ZFPM2: variants seen among roughly 807,000 people sequenced by gnomAD.
ZFPM2 encodes zinc finger protein, FOG family member 2, also known as zinc finger protein ZFPM2.
A neutral mutation model predicts 98.6 loss-of-function variants in ZFPM2; 20 were observed. That is an observed-to-expected ratio of 0.20 (90% CI 0.14 to 0.29). The LOEUF is 0.29. ZFPM2 is among the 10% of genes least tolerant of loss of function. ZFPM2 has a pLI of 1.00. For missense variants in ZFPM2, 1,310 were observed against 1,388.6 expected (o/e 0.94, Z 0.90); for synonymous variants, 518 against 502.7 (o/e 1.03, Z -0.41).
At chr8:105,408,906 G>T (rs1244272928) in intron 1 of ZFPM2, among the ~76,000 whole-genome samples, 2 of 151,808 alleles carry the variant, frequency 1.3e-5, no homozygotes, top group African/African-American at 4.8e-5. Flanking sequence ...ATGTCATTTT[G>T]TTAGCCACGT....
intron 5 of ZFPM2, among the ~76,000 whole-genome samples, chr8:105,641,410 G>T (rs1816946606): frequency 1.3e-5 from 2 of 151,988 alleles, no homozygotes; most frequent in African/African-American, 4.8e-5. Flanking sequence ...ATTTTGAGGA[G>T]TGAGCAATTT....
At chr8:105,745,057 A>T (rs1812311765) in intron 5 of ZFPM2, among the ~76,000 whole-genome samples, 1 of 152,144 alleles carries the variant, frequency 6.6e-6, no homozygotes, top group Non-Finnish European at 1.5e-5. Flanking sequence ...TTCTTCTCAT[A>T]TCCAACTTGA....
At chr8:105,694,266 C>A (rs377684697) in intron 5 of ZFPM2, among the ~76,000 whole-genome samples, 11 of 151,890 alleles carry the variant, frequency 7.2e-5, no homozygotes, top group Non-Finnish European at 1.0e-4. Flanking sequence ...GATTACAGGC[C>A]TGAGCCACCG....
chr8:105,322,991 G>A (rs1490922883), intron 1 of ZFPM2, among the ~76,000 whole-genome samples: 1 of 151,516 alleles, frequency 6.6e-6, no homozygotes, highest in African/African-American at 2.4e-5. Flanking sequence ...AACAATTATT[G>A]TTTTAAAATA....
intron 5 of ZFPM2, among the ~76,000 whole-genome samples, chr8:105,781,408 G>T (rs529639431): frequency 8.9e-4 from 136 of 152,266 alleles, no homozygotes; most frequent in African/African-American, 3.2e-3. Context: ...ATTTTAATGA[G>T]GTTAGTCACA....
intron 5 of ZFPM2, among the ~76,000 whole-genome samples, chr8:105,753,198 A>G (rs1417591767): frequency 6.6e-6 from 1 of 152,176 alleles, no homozygotes; most frequent in African/African-American, 2.4e-5. Context: ...TTGTTACATA[A>G]TGATATGCTG....
chr8:105,506,478 T>G (rs1813700378), intron 3 of ZFPM2, among the ~76,000 whole-genome samples: 1 of 152,164 alleles, frequency 6.6e-6, no homozygotes, highest in African/African-American at 2.4e-5. Context: ...TATTTGAAAC[T>G]TTTACTTTCC....
chr8:105,554,517 C>G (rs78529600), intron 3 of ZFPM2, among the ~76,000 whole-genome samples: 4,211 of 152,224 alleles, frequency 0.028, 197 homozygotes, highest in African/African-American at 0.096. Context: ...TAATGTCTTC[C>G]AACCATGAAG....
intron 3 of ZFPM2, among the ~76,000 whole-genome samples, chr8:105,559,474 A>G (rs1815079001): frequency 6.6e-6 from 1 of 152,162 alleles, no homozygotes; most frequent in Non-Finnish European, 1.5e-5. Context: ...AGTGGTAAAG[A>G]AAGAGTATGA....
At chr8:105,717,399 C>A (rs1279688740) in intron 5 of ZFPM2, among the ~76,000 whole-genome samples, 1 of 152,006 alleles carries the variant, frequency 6.6e-6, no homozygotes, top group Non-Finnish European at 1.5e-5. Flanking sequence ...TTCTGCAAGA[C>A]CTAGTATTTA....
intron 5 of ZFPM2, among the ~76,000 whole-genome samples, chr8:105,657,525 AG>A (rs1411256697): frequency 5.9e-5 from 9 of 152,224 alleles, no homozygotes; most frequent in Non-Finnish European, 1.0e-4. Context: ...CATGCCAAAC[AG>A]AACTGCATTG....
At chr8:105,374,497 C>T (rs1810683680) in intron 1 of ZFPM2, among the ~76,000 whole-genome samples, 2 of 151,842 alleles carry the variant, frequency 1.3e-5, no homozygotes, top group Admixed American at 1.3e-4. Context: ...AACTTTCTCC[C>T]CCTTCAGCCT....
chr8:105,442,539 G>T (rs1183403961), intron 2 of ZFPM2, among the ~76,000 whole-genome samples: 1 of 152,148 alleles, frequency 6.6e-6, no homozygotes, highest in East Asian at 1.9e-4. Context: ...GAATTTCATT[G>T]GTGTTCATTC....
chr8:105,717,566 C>T (rs1345521065), intron 5 of ZFPM2, among the ~76,000 whole-genome samples: 1 of 151,764 alleles, frequency 6.6e-6, no homozygotes, highest in Non-Finnish European at 1.5e-5. Context: ...ACATTCTAGT[C>T]CATTGATTGT....
chr8:105,508,364 T>C (rs73304144), intron 3 of ZFPM2, among the ~76,000 whole-genome samples: 11,618 of 151,954 alleles, frequency 0.076, 1,442 homozygotes, highest in African/African-American at 0.26. Flanking sequence ...AGCCGACCCC[T>C]ACCCCCAACC....
chr8:105,477,390 G>A (rs1322648029), intron 3 of ZFPM2, among the ~76,000 whole-genome samples: 2 of 151,650 alleles, frequency 1.3e-5, no homozygotes, highest in Non-Finnish European at 2.9e-5. Context: ...GATTACAGGT[G>A]CCTGCCACCA....
intron 5 of ZFPM2, 111 bp from the exon 6 acceptor site, chr8:105,788,607 A>G: frequency 1.9e-6 from 2 of 1,050,882 alleles, no homozygotes; most frequent in Non-Finnish European, 2.9e-6. Flanking sequence ...ACTCCACTCC[A>G]GTAGAAACCA....
chr8:105,372,634 A>G (rs879725272), intron 1 of ZFPM2, among the ~76,000 whole-genome samples: 1 of 152,190 alleles, frequency 6.6e-6, no homozygotes, highest in Non-Finnish European at 1.5e-5. Context: ...ATAGTGTCCT[A>G]GGGTTGATTT....
At chr8:105,533,548 C>A (rs1814342854) in intron 3 of ZFPM2, among the ~76,000 whole-genome samples, 1 of 152,204 alleles carries the variant, frequency 6.6e-6, no homozygotes, top group Non-Finnish European at 1.5e-5. Context: ...CACCAGGTTA[C>A]CATCCCAGTT....
Sources: gnomAD v4.1 joint callset for allele counts (sites outside exome capture counted in the v4.1 genomes callset) on GRCh38, gnomAD v4.1.1 for gene constraint, MANE v1.5 for transcripts, NCBI Gene and HGNC (gene_info 2026-07-23, HGNC 2026-07-21) for gene names.